UNC5D: variants seen among roughly 807,000 people sequenced by gnomAD.
UNC5D encodes unc-5 netrin receptor D, also known as netrin receptor UNC5D.
A neutral mutation model predicts 105.4 loss-of-function variants in UNC5D; 39 were observed. That is an observed-to-expected ratio of 0.37 (90% CI 0.29 to 0.48). The LOEUF (loss-of-function observed/expected upper bound fraction) is 0.48, where lower values mean the gene tolerates loss of function less well. Among genes scored for constraint, UNC5D ranks in the 20% least tolerant of loss-of-function variants. The pLI is 0.98. For missense variants in UNC5D, 991 were observed against 1,202.4 expected (o/e 0.82, Z 2.60); for synonymous variants, 452 against 450.4 (o/e 1.00, Z -0.04).
At chr8:35,404,312 A>G (rs1418896211) in intron 1 of UNC5D, among the ~76,000 whole-genome samples, 1 of 152,166 alleles carries the variant, frequency 6.6e-6, no homozygotes, top group African/African-American at 2.4e-5. Context: ...TGAGTCACAT[A>G]TGTGAGATAC....
intron 1 of UNC5D, among the ~76,000 whole-genome samples, chr8:35,406,808 T>G (rs1236390762): frequency 6.6e-6 from 1 of 152,164 alleles, no homozygotes; most frequent in African/African-American, 2.4e-5. Context: ...AAGATTATAA[T>G]CTCCTAGTTT....
chr8:35,324,949 G>A (rs899926345), intron 1 of UNC5D, among the ~76,000 whole-genome samples: 12 of 152,134 alleles, frequency 7.9e-5, no homozygotes, highest in African/African-American at 2.9e-4. Context: ...GTGTGTGCCA[G>A]GAATGGTGCT....
rs1368072892 is a variant in UNC5D, at chr8:35,249,830, T to C, written c.103+13943T>C. Among the ~76,000 whole-genome samples, 7 of 152,080 alleles carry C rather than the reference T, an allele frequency of 4.6e-5. No individual in the cohort carries two copies. The East Asian group carries it at 1.4e-3, about 29-fold the overall frequency. ...GATTAGGTGTCAAAATATTCAAGGT[T>C]TGGCTATTTTTAGCAATTTATCAGT... is the stretch of plus-strand genomic sequence containing the variant. On this transcript the variant is annotated intron_variant, in intron 1 of 16. Coordinates refer to ENST00000404895, the MANE Select transcript of UNC5D (RefSeq NM_080872.4).
At chr8:35,538,395 T>TTATATATATATA (rs10524805) in intron 1 of UNC5D, among the ~76,000 whole-genome samples, 4 of 82,434 alleles carry the variant, frequency 4.9e-5, no homozygotes, top group Non-Finnish European at 9.8e-5. Context: ...AAAAAAATAA[T>TTATATATATATA]TATATATATA....
chr8:35,467,297 T>C (rs1052299751), intron 1 of UNC5D, among the ~76,000 whole-genome samples: 7 of 152,164 alleles, frequency 4.6e-5, no homozygotes, highest in African/African-American at 1.7e-4. Flanking sequence ...ACCTGTTCTT[T>C]CCTCAATGCT....
At chr8:35,316,611 G>T (rs528968822) in intron 1 of UNC5D, among the ~76,000 whole-genome samples, 1 of 152,090 alleles carries the variant, frequency 6.6e-6, no homozygotes, top group Non-Finnish European at 1.5e-5. Flanking sequence ...AATGGAAGGG[G>T]GATTTTGTTA....
chr8:35,488,005 C>T (rs1001579899), intron 1 of UNC5D, among the ~76,000 whole-genome samples: 2 of 152,186 alleles, frequency 1.3e-5, no homozygotes, highest in Non-Finnish European at 2.9e-5. Flanking sequence ...GGTCTGGTTT[C>T]TCCTTACTGC....
intron 1 of UNC5D, among the ~76,000 whole-genome samples, chr8:35,498,979 A>G (rs937879889): frequency 8.5e-5 from 13 of 152,186 alleles, no homozygotes; most frequent in African/African-American, 3.1e-4. Context: ...AATTCAGTAT[A>G]AAGCAGAATG....
At chr8:35,314,742 A>G (rs978340447) in intron 1 of UNC5D, among the ~76,000 whole-genome samples, 1 of 152,166 alleles carries the variant, frequency 6.6e-6, no homozygotes, top group African/African-American at 2.4e-5. Context: ...AGAGTTGCTG[A>G]AAATAAAACA....
At chr8:35,508,847 A>G (rs1395762226) in intron 1 of UNC5D, among the ~76,000 whole-genome samples, 1 of 152,204 alleles carries the variant, frequency 6.6e-6, no homozygotes, top group East Asian at 1.9e-4. Flanking sequence ...CTAGAAATGA[A>G]CTGGAGGTAT....
chr8:35,245,343 G>A (rs963508299), intron 1 of UNC5D, among the ~76,000 whole-genome samples: 3 of 152,018 alleles, frequency 2.0e-5, no homozygotes, highest in African/African-American at 4.8e-5. Flanking sequence ...AACTATAACT[G>A]TGTTGTAAGC....
At chr8:35,746,160 G>T (rs190587145) in intron 11 of UNC5D, among the ~76,000 whole-genome samples, 2 of 152,258 alleles carry the variant, frequency 1.3e-5, no homozygotes, top group South Asian at 2.1e-4. Flanking sequence ...GAGAAGAAAA[G>T]TACAATCTGG....
chr8:35,471,540 C>T (rs1175874403), intron 1 of UNC5D, among the ~76,000 whole-genome samples: 1 of 152,004 alleles, frequency 6.6e-6, no homozygotes, highest in Non-Finnish European at 1.5e-5. Context: ...CCCCAGTGGA[C>T]CTTAAAGAAA....
chr8:35,693,197 C>A (rs1826525494), intron 7 of UNC5D, among the ~76,000 whole-genome samples: 1 of 152,062 alleles, frequency 6.6e-6, no homozygotes, highest in African/African-American at 2.4e-5. Context: ...GCTTTAAAAA[C>A]TATTTTTTTT....
At chr8:35,480,793 T>A (rs1018851518) in intron 1 of UNC5D, among the ~76,000 whole-genome samples, 2 of 152,210 alleles carry the variant, frequency 1.3e-5, no homozygotes, top group African/African-American at 4.8e-5. Context: ...TGGTTACTGT[T>A]CATATGGAAT....
At chr8:35,245,830 T>A (rs1803056291) in intron 1 of UNC5D, among the ~76,000 whole-genome samples, 1 of 152,134 alleles carries the variant, frequency 6.6e-6, no homozygotes, top group African/African-American at 2.4e-5. Context: ...TAGTAGAATG[T>A]CATATATCAT....
chr8:35,694,696 AGT>A (rs3077800), intron 7 of UNC5D, among the ~76,000 whole-genome samples: 60 of 149,618 alleles, frequency 4.0e-4, no homozygotes, highest in African/African-American at 1.2e-3. Flanking sequence ...CAATAACTAT[AGT>A]GTGTGTGTGT....
At chr8:35,645,856 C>T (rs1166936444) in intron 4 of UNC5D, among the ~76,000 whole-genome samples, 2 of 152,060 alleles carry the variant, frequency 1.3e-5, no homozygotes, top group Non-Finnish European at 1.5e-5. Context: ...CCTAAACTTG[C>T]ACCCTTTCTC....
intron 8 of UNC5D, among the ~76,000 whole-genome samples, chr8:35,710,931 A>ATTT (rs1827896059): frequency 4.1e-5 from 5 of 122,024 alleles, no homozygotes; most frequent in East Asian, 4.7e-4. Context: ...GCTCAGCATT[A>ATTT]TTCTTTTTTT....
Sources: gnomAD v4.1 joint callset for allele counts (sites outside exome capture counted in the v4.1 genomes callset) on GRCh38, gnomAD v4.1.1 for gene constraint, MANE v1.5 for transcripts, NCBI Gene and HGNC (gene_info 2026-07-23, HGNC 2026-07-21) for gene names.